SYNE2: variants seen among roughly 807,000 people sequenced by gnomAD.
The protein encoded by SYNE2 is nesprin-2.
SYNE2 carries 431 observed loss-of-function variants against 856.3 expected under a neutral mutation model. The observed-to-expected ratio is 0.50, with a 90% confidence interval of 0.47 to 0.55. SYNE2 has a LOEUF of 0.55. Ranked by LOEUF, SYNE2 falls within the 20% of genes least tolerant of loss-of-function variation. SYNE2 has a pLI of 0.00. For synonymous variants in SYNE2, 2,923 were observed against 2,872.3 expected (o/e 1.02, Z -0.56); for missense variants, 8,129 against 8,023.2 (o/e 1.01, Z -0.50).
chr14:64,080,578 T>G lies in SYNE2; in HGVS notation c.11286T>G (p.Pro3762=). ...AATGGATGGATAACTTGATGATTCC[T>G]TTCCAGCAGTATCAGCAAGTATCAC... ...AQEWMDNLMI[P]FQQYQQVSQR... Residue 3762 remains proline (P), a synonymous_variant, in exon 56 of 116, where the codon CCT becomes CCG. Transcript: ENST00000555002. The G allele has an allele frequency of 1.2e-6, 2 of 1,614,226 alleles. No individual in the cohort carries two copies. Among genetic ancestry groups the G allele is most frequent in the Non-Finnish European group, 1.7e-6 (2 of 1,180,036 alleles).
chr14:64,112,133 C>T (rs1423889307), intron 65 of SYNE2, among the ~76,000 whole-genome samples: 4 of 152,192 alleles, frequency 2.6e-5, no homozygotes, highest in Non-Finnish European at 5.9e-5. Context: ...TTTGTTACCA[C>T]CTACCAATTT....
intron 1 of SYNE2, among the ~76,000 whole-genome samples, chr14:63,874,658 C>CT (rs950489383): frequency 6.6e-5 from 10 of 151,820 alleles, no homozygotes; most frequent in Admixed American, 2.0e-4. Flanking sequence ...GCCATAACTG[C>CT]TTTTTTTTAA....
At chr14:63,886,087 GATA>G (rs1423208514) in intron 1 of SYNE2, among the ~76,000 whole-genome samples, 1 of 152,172 alleles carries the variant, frequency 6.6e-6, no homozygotes, top group African/African-American at 2.4e-5. Flanking sequence ...TGCTAACACA[GATA>G]ATGATACCAT....
intron 85 of SYNE2, among the ~76,000 whole-genome samples, chr14:64,157,014 A>C (rs144093582): frequency 7.4e-4 from 112 of 152,342 alleles, no homozygotes; most frequent in African/African-American, 2.6e-3. Flanking sequence ...CAAAACTCAC[A>C]TCACACTACC....
intron 45 of SYNE2, among the ~76,000 whole-genome samples, chr14:64,035,421 T>C (rs1219231049): frequency 1.3e-5 from 2 of 152,150 alleles, no homozygotes; most frequent in African/African-American, 4.8e-5. Context: ...CTACTTGCCC[T>C]TTCTGGCCAG....
At chr14:64,070,944 C>G in intron 52 of SYNE2, 34 bp downstream of exon 52, 1 of 1,610,864 alleles carries the variant, frequency 6.2e-7, no homozygotes, top group Non-Finnish European at 8.5e-7. Context: ...AGGACGTGTG[C>G]TTGACAATTA....
chr14:64,221,631 G>T lies in SYNE2; in HGVS notation c.20117G>T (p.Arg6706Leu). The T allele has an allele frequency of 6.2e-7, 1 of 1,614,114 alleles. No homozygotes were observed. Among genetic ancestry groups the T allele is most frequent in the South Asian group, 1.1e-5 (1 of 91,086 alleles). Residue 6706 changes from arginine to leucine, a missense_variant, in exon 112 of 116, where the codon CGG becomes CTG. This residue lies in a region of SYNE2 where 5,410 missense variants were observed against 5,284.8 expected (regional missense o/e 1.02). Transcript: ENST00000555002. ...CTGTGGTTAGCGAGTGCCAAGAACC[G>T]GAGGCAGAAGGCTCATGTCACCGAT... ...LLLWLASAKN[R>L]RQKAHVTDPK...
intron 1 of SYNE2, among the ~76,000 whole-genome samples, chr14:63,877,706 C>T (rs1242495485): frequency 1.3e-5 from 2 of 152,122 alleles, no homozygotes; most frequent in African/African-American, 2.4e-5. Context: ...GGGATCAAAG[C>T]GGCGTTATCT....
intron 1 of SYNE2, among the ~76,000 whole-genome samples, chr14:63,842,179 T>C (rs1890089553): frequency 1.3e-5 from 2 of 151,886 alleles, no homozygotes; most frequent in Admixed American, 1.3e-4. Flanking sequence ...TGTTTGTTGT[T>C]GTTGTCGTTT....
At chr14:63,918,774 A>G (rs947782991) in intron 2 of SYNE2, among the ~76,000 whole-genome samples, 30 of 152,114 alleles carry the variant, frequency 2.0e-4, no homozygotes, top group Non-Finnish European at 3.8e-4. Context: ...TTACTGCACA[A>G]TTTCATCAGT....
intron 58 of SYNE2, among the ~76,000 whole-genome samples, chr14:64,088,406 C>T (rs75311984): frequency 0.018 from 2,670 of 152,264 alleles, 81 homozygotes; most frequent in African/African-American, 0.061. Flanking sequence ...AGTGTTTTCT[C>T]TTTGTCAAAG....
intron 65 of SYNE2, among the ~76,000 whole-genome samples, chr14:64,109,066 A>T (rs200343110): frequency 6.6e-6 from 1 of 151,886 alleles, no homozygotes; most frequent in East Asian, 1.9e-4. Context: ...TCAGACACAC[A>T]GTTCTGCCAT....
intron 99 of SYNE2, among the ~76,000 whole-genome samples, chr14:64,198,022 T>C (rs1174697233): frequency 2.0e-5 from 3 of 152,260 alleles, no homozygotes; most frequent in Non-Finnish European, 2.9e-5. Context: ...ATAAAGAGCC[T>C]ATGCAGGTGG....
intron 1 of SYNE2, among the ~76,000 whole-genome samples, chr14:63,839,616 G>A (rs75958579): frequency 0.019 from 2,904 of 152,204 alleles, 40 homozygotes; most frequent in Admixed American, 0.032. Context: ...GACCCTTTGA[G>A]ACTGGGAGGT....
chr14:63,945,397 A>C (rs552478482), intron 6 of SYNE2, among the ~76,000 whole-genome samples: 1 of 152,132 alleles, frequency 6.6e-6, no homozygotes, highest in Admixed American at 6.5e-5. Flanking sequence ...TGGAATTATA[A>C]ATGTCTTCTC....
At chr14:64,188,743 C>T in intron 98 of SYNE2, 35 bp downstream of exon 98, 1 of 1,612,106 alleles carries the variant, frequency 6.2e-7, no homozygotes, top group Non-Finnish European at 8.5e-7. Flanking sequence ...GTAGTTATGA[C>T]TACCATGGAA....
intron 110 of SYNE2, among the ~76,000 whole-genome samples, chr14:64,220,033 T>C (rs2140369366): frequency 6.6e-6 from 1 of 152,346 alleles, no homozygotes; most frequent in East Asian, 1.9e-4. Context: ...TTTGTACTTT[T>C]ATTTTACTAT....
At chr14:63,879,450 T>A (rs528314293) in intron 1 of SYNE2, among the ~76,000 whole-genome samples, 1 of 152,154 alleles carries the variant, frequency 6.6e-6, no homozygotes, top group African/African-American at 2.4e-5. Flanking sequence ...CCACAAAGGG[T>A]CTCCATCCCT....
At chr14:64,027,882 CATTTT>C in intron 43 of SYNE2, 89 bp downstream of exon 43, 1 of 1,066,276 alleles carries the variant, frequency 9.4e-7, no homozygotes, top group Non-Finnish European at 1.4e-6. Flanking sequence ...TGTTGTTGTT[CATTTT>C]GTTTTGTTTT....
Sources: gnomAD v4.1 joint callset for allele counts (sites outside exome capture counted in the v4.1 genomes callset) on GRCh38, gnomAD v4.1.1 for gene constraint, gnomAD v4.1.1 regional missense constraint, MANE v1.5 for transcripts, NCBI Gene and HGNC (gene_info 2026-07-23, HGNC 2026-07-21) for gene names.